The following ZNF407 variants were observed in gnomAD, a reference collection of about 807,000 sequenced individuals.
ZNF407 encodes the protein zinc finger protein 407.
In ZNF407, 17 loss-of-function variants were observed where a neutral mutation model predicts 131.2. The ratio of observed to expected loss-of-function variants is 0.13; its 90% CI spans 0.09 to 0.19. ZNF407 has a LOEUF of 0.19. Among genes scored for constraint, ZNF407 ranks in the 10% least tolerant of loss-of-function variants. ZNF407 has a pLI of 1.00. For missense variants in ZNF407, 2,681 were observed against 2,830.6 expected (o/e 0.95, Z 1.20); for synonymous variants, 1,156 against 1,062.0 (o/e 1.09, Z -1.72).
rs1009878533 is a variant in ZNF407, at chr18:74,632,882, T to C, written c.1863T>C (p.Asn621=). 1 of 1,613,506 alleles carries C rather than the reference T, an allele frequency of 6.2e-7. No homozygotes were observed. Among genetic ancestry groups the C allele is most frequent in the Non-Finnish European group, 8.5e-7 (1 of 1,179,876 alleles). ...HNMHFLCTPC[N]LFFLSEKDVE... ...TGCATTTTCTTTGCACCCCTTGTAA[T>C]CTGTTCTTTTTGTCTGAAAAAGATG... is the stretch of plus-strand genomic sequence containing the variant. Residue 621 remains asparagine (N), a synonymous_variant, in exon 2 of 9, where the codon AAT becomes AAC. Transcript: ENST00000299687.
chr18:74,690,090 C>T (rs1599071722), intron 3 of ZNF407, among the ~76,000 whole-genome samples: 1 of 152,126 alleles, frequency 6.6e-6, no homozygotes, highest in Non-Finnish European at 1.5e-5. Context: ...GTGATGTTAT[C>T]TTGGATCAAT....
At position 74,612,715 on chromosome 18, in the gene ZNF407, C is replaced by T. The variant is rs1239675880; in HGVS notation, c.-54+14778C>T. Among the ~76,000 whole-genome samples the T allele has an allele frequency of 2.0e-5, 3 of 152,172 alleles. No individual in the cohort carries two copies. The East Asian group carries it at 5.8e-4, about 29-fold the overall frequency. ...TTAAATGAATGAAGATTGCATCTTG[C>T]AGTGACTCTGTGGGGTAGGCGTTAT... On this transcript the variant is annotated intron_variant, in intron 1 of 8. Transcript: ENST00000299687.
intron 4 of ZNF407, among the ~76,000 whole-genome samples, chr18:74,850,017 A>G (rs1345696426): frequency 6.6e-6 from 1 of 152,210 alleles, no homozygotes; most frequent in Non-Finnish European, 1.5e-5. Flanking sequence ...AGAGGGAAAA[A>G]TAGCCCCATT....
chr18:74,804,581 C>T, intron 4 of ZNF407: 1 of 985,286 alleles, frequency 1.0e-6, no homozygotes, highest in Non-Finnish European at 1.2e-6. Context: ...CACAATGGTA[C>T]TATACATCTA....
At chr18:74,707,813 A>C (rs190235019) in intron 3 of ZNF407, among the ~76,000 whole-genome samples, 6 of 152,182 alleles carry the variant, frequency 3.9e-5, no homozygotes, top group African/African-American at 1.4e-4. Flanking sequence ...ACCCATCTGT[A>C]TCTCCTACAT....
At chr18:75,047,577 G>C (rs936443200) in intron 8 of ZNF407, among the ~76,000 whole-genome samples, 4 of 152,098 alleles carry the variant, frequency 2.6e-5, no homozygotes, top group Non-Finnish European at 4.4e-5. Flanking sequence ...TTTACCTACT[G>C]TACTTCCTGG....
intron 3 of ZNF407, among the ~76,000 whole-genome samples, chr18:74,683,648 C>A (rs1324466926): frequency 6.6e-6 from 1 of 152,184 alleles, no homozygotes; most frequent in Non-Finnish European, 1.5e-5. Context: ...AACATACAAA[C>A]TATTTTTGCT....
rs745462253 is a variant in ZNF407 at position 74,633,016 on chromosome 18, T to C, written c.1997T>C (p.Leu666Ser). ...LVLQTLPLST[L>S]ESENAKESMD... ...TTACAGACTTTACCTTTGAGTACTT[T>C]AGAATCAGAAAACGCAAAAGAGTCT... The change falls in exon 2 of 9, where the codon TTA becomes TCA. Residue 666 changes from leucine (L) to serine (S), a missense_variant. Transcript: ENST00000299687. 46 of 1,613,692 alleles carry C rather than the reference T, an allele frequency of 2.9e-5. No homozygotes were observed. Among genetic ancestry groups the C allele is most frequent in the Admixed American group, 5.0e-5 (3 of 59,982 alleles).
At chr18:74,665,467 C>A (rs1266841845) in intron 3 of ZNF407, among the ~76,000 whole-genome samples, 2 of 152,070 alleles carry the variant, frequency 1.3e-5, no homozygotes, top group African/African-American at 4.8e-5. Context: ...TGTGAGAGTC[C>A]CATACAATAC....
chr18:75,045,079 T>G (rs1973417996), intron 8 of ZNF407, among the ~76,000 whole-genome samples: 1 of 137,374 alleles, frequency 7.3e-6, no homozygotes. Context: ...TGTGGGCATG[T>G]ATGTGGGGGG....
Position 74,858,810 on chromosome 18 carries a change from A to G in ZNF407, c.4878-18387A>G, listed in dbSNP as rs144341247. Reference sequence around the variant, plus strand: ...TGTTGAGCATGTGCTTCAAATCCCTATGAAAGAAACTGGAAAAGGAAAGGG... The same window carrying G: ...TGTTGAGCATGTGCTTCAAATCCCTGTGAAAGAAACTGGAAAAGGAAAGGG... On this transcript the variant is annotated intron_variant, in intron 4 of 8. Coordinates refer to ENST00000299687, the MANE Select transcript of ZNF407 (RefSeq NM_017757.3). Among the ~76,000 whole-genome samples, 98 of 152,308 alleles carry G rather than the reference A, an allele frequency of 6.4e-4. No individual in the cohort carries two copies. The East Asian group carries it at 0.016, about 25-fold the overall frequency.
At chr18:74,607,055 T>C (rs749672129) in intron 1 of ZNF407, among the ~76,000 whole-genome samples, 1 of 152,208 alleles carries the variant, frequency 6.6e-6, no homozygotes, top group Non-Finnish European at 1.5e-5. Flanking sequence ...AGCTGTGCCC[T>C]ACAGGAGGCA....
At chr18:74,824,362 C>G (rs899092833) in intron 4 of ZNF407, among the ~76,000 whole-genome samples, 2 of 152,084 alleles carry the variant, frequency 1.3e-5, no homozygotes, top group African/African-American at 2.4e-5. Context: ...TAACTAAAAT[C>G]AGAGCCAAAT....
intron 3 of ZNF407, among the ~76,000 whole-genome samples, chr18:74,777,044 G>C (rs1038505377): frequency 6.6e-5 from 10 of 152,052 alleles, no homozygotes. Flanking sequence ...GTTCAGACTC[G>C]TGTTGTTCAA....
chr18:74,824,016 C>T (rs1181820869), intron 4 of ZNF407, among the ~76,000 whole-genome samples: 1 of 152,220 alleles, frequency 6.6e-6, no homozygotes, highest in East Asian at 1.9e-4. Flanking sequence ...AACAGTCTCT[C>T]AGACCACAGT....
At chr18:74,650,277 A>G (rs1985166794) in intron 3 of ZNF407, among the ~76,000 whole-genome samples, 1 of 152,062 alleles carries the variant, frequency 6.6e-6, no homozygotes, top group African/African-American at 2.4e-5. Context: ...CTAGTATCTG[A>G]TGGACTATAT....
chr18:74,677,162 C>G (rs1351278201), intron 3 of ZNF407, among the ~76,000 whole-genome samples: 1 of 152,214 alleles, frequency 6.6e-6, no homozygotes, highest in Non-Finnish European at 1.5e-5. Context: ...GCAATCTTGG[C>G]TCACTGCATC....
At chr18:74,964,504 C>G (rs1193557136) in intron 8 of ZNF407, among the ~76,000 whole-genome samples, 1 of 151,022 alleles carries the variant, frequency 6.6e-6, no homozygotes, top group Non-Finnish European at 1.5e-5. Context: ...CAAAATTTAT[C>G]CATCTTGCTT....
At chr18:74,934,903 A>AT (rs1399382399) in intron 8 of ZNF407, among the ~76,000 whole-genome samples, 2 of 152,364 alleles carry the variant, frequency 1.3e-5, no homozygotes, top group East Asian at 3.9e-4. Flanking sequence ...CCTGCCACTT[A>AT]TTAAGTACTC....
Sources: allele counts gnomAD v4.1 joint callset (sites outside exome capture counted in the v4.1 genomes callset), GRCh38; gene constraint gnomAD v4.1.1; transcripts MANE v1.5; gene names NCBI Gene and HGNC (gene_info 2026-07-23, HGNC 2026-07-21).